Variants in TKFC observed in about 807,000 individuals in gnomAD.
TKFC encodes triokinase/FMN cyclase.
In TKFC, 46 loss-of-function variants were observed where a neutral mutation model predicts 61.0. The observed-to-expected ratio is 0.75, with a 90% CI of 0.60 to 0.96. The LOEUF (loss-of-function observed/expected upper bound fraction) is 0.96, where lower values mean the gene tolerates loss of function less well. Ranked by LOEUF, TKFC falls within the 50% of genes least tolerant of loss-of-function variation. The probability of loss-of-function intolerance (pLI) is 0.00; values close to 1 mark genes in which losing one functional copy is unlikely to be tolerated. For missense variants in TKFC, 715 were observed against 777.5 expected, an observed-to-expected ratio of 0.92 and a Z score of 0.96; for synonymous variants, 314 against 330.1, an observed-to-expected ratio of 0.95 and a Z score of 0.53.
In TKFC at chr11:61,345,762, T is replaced by C; in HGVS notation, c.1485+17T>C. On this transcript the variant is annotated intron_variant, in intron 16 of 17. Coordinates refer to ENST00000394900, the MANE Select transcript of TKFC (RefSeq NM_015533.4). ...AGGACTATGGTATGTACTCAGGCTG[T>C]GGCCTCAGACCTTTCTCCTTTTGGC... The C allele has an allele frequency of 1.9e-6, 3 of 1,614,244 alleles. No individual in the cohort carries two copies. The highest frequency in any genetic ancestry group is 2.5e-6 in the Non-Finnish European group (3 of 1,180,054).
downstream of TKFC, chr11:61,352,845 T>G (rs1406384177): frequency 1.3e-6 from 2 of 1,496,544 alleles, no homozygotes; most frequent in Non-Finnish European, 8.9e-7. Flanking sequence ...AAAGATCAAT[T>G]CTGTTACCTT....
chr11:61,343,234 C>G, intron 10 of TKFC, 108 bp from the exon 11 acceptor site: 1 of 1,006,972 alleles, frequency 9.9e-7, no homozygotes, highest in Non-Finnish European at 1.5e-6. Context: ...ATCAGGACAT[C>G]TCCCTCCCGA....
chr11:61,337,291 T>C (rs546822772), intron 2 of TKFC, among the ~76,000 whole-genome samples: 12 of 152,298 alleles, frequency 7.9e-5, no homozygotes, highest in Admixed American at 2.6e-4. Context: ...ACTCCAGGCA[T>C]GCACCACCAT....
intron 5 of TKFC, among the ~76,000 whole-genome samples, chr11:61,340,829 C>T (rs1856821440): frequency 6.6e-6 from 1 of 152,170 alleles, no homozygotes; most frequent in African/African-American, 2.4e-5. Flanking sequence ...TGTCTCCCCA[C>T]CTGGAAGGCT....
Position 61,339,236 on chromosome 11 carries a change from T to C in TKFC, c.305-18T>C. 6.2e-7 allele frequency: 1 copy of C among 1,612,030 alleles called. No individual in the cohort carries two copies. ...AGGGCACAGTAAGCACACTGAGCCC[T>C]TCCGGCTGCTCCCGCAGTGGGGACG... On this transcript the variant is annotated intron_variant, in intron 4 of 17. Coordinates refer to ENST00000394900, the MANE Select transcript of TKFC (RefSeq NM_015533.4).
chr11:61,353,168 C>T, downstream of TKFC: 1 of 1,576,194 alleles, frequency 6.3e-7, no homozygotes, highest in South Asian at 1.2e-5. Context: ...ACACACCCGA[C>T]TGTGCTATGT....
In TKFC at chr11:61,346,265, T is replaced by C. The variant is rs1326286902; in HGVS notation, c.1576-86T>C. 1.3e-6 allele frequency: 2 copies of C among 1,598,402 alleles called. No homozygotes were observed. The highest frequency in any genetic ancestry group is 3.4e-5 in the Admixed American group (2 of 59,596). On this transcript the variant is annotated intron_variant, in intron 17 of 17. Transcript: ENST00000394900. This position sits in a 1 kb window ranked among gnomAD's most constrained non-coding sequence, Gnocchi z 4.1. ...AGGGCAAGGGCGTGCAGGGCCAGGC[T>C]GCACGGCAGAGACGTTCTGCCCATG...
At position 61,348,873 on chromosome 11, in the gene TKFC, T is replaced by C. The variant is rs4939516; in HGVS notation, c.*2370T>C. On this transcript the variant is annotated 3_prime_UTR_variant, in exon 18 of 18. Transcript: ENST00000394900. ...AGTGAAATGCCTACCCCTATGGAGATGGGGAGCTGGTCATGGGACCCAGGT... is the reference window on the plus strand; with the variant it reads ...AGTGAAATGCCTACCCCTATGGAGACGGGGAGCTGGTCATGGGACCCAGGT... The C allele has an allele frequency of 0.99, 150,330 of 152,496 alleles. 74,140 individuals carry two copies. Among genetic ancestry groups the C allele is most frequent in the Middle Eastern group, 1 (296 of 296 alleles). 9.4% of individuals were successfully genotyped at this position (152,496 alleles called of 1,614,324 possible).
At position 61,337,995 on chromosome 11, in the gene TKFC, G is replaced by A; in HGVS notation, c.58G>A (p.Gly20Ser). 2.5e-6 allele frequency: 4 copies of A among 1,613,174 alleles called. No individual in the cohort carries two copies. The highest frequency in any genetic ancestry group is 3.4e-6 in the Non-Finnish European group (4 of 1,179,660). Reference protein sequence around the residue: ...VAGCADDALAGLVACNPNLQL... With the variant: ...VAGCADDALASLVACNPNLQL... ...TGGCTGTGCTGATGACGCTCTTGCTGGCCTGGTGGCCTGCAACCCCAACCT... is the reference window on the plus strand; with the variant it reads ...TGGCTGTGCTGATGACGCTCTTGCTAGCCTGGTGGCCTGCAACCCCAACCT... Residue 20 changes from glycine (G) to serine (S), a missense_variant, in exon 3 of 18, where the codon GGC becomes AGC. Physicochemically the swap from Gly to Ser is moderately conservative, Grantham distance 56 (BLOSUM62 0). Transcript: ENST00000394900.
At chr11:61,352,980 C>T, downstream of TKFC, 1 of 1,614,178 alleles carries the variant, frequency 6.2e-7, no homozygotes, top group Non-Finnish European at 8.5e-7. Flanking sequence ...CCCCACTGCA[C>T]TCACAAACTG....
intron 2 of TKFC, among the ~76,000 whole-genome samples, chr11:61,337,645 T>A (rs890627881): frequency 6.6e-6 from 1 of 152,178 alleles, no homozygotes; most frequent in East Asian, 1.9e-4. Flanking sequence ...ATTAAAATAT[T>A]TTACACTGCA....
chr11:61,335,013 AAC>A (rs992552650), intron 2 of TKFC, among the ~76,000 whole-genome samples: 45 of 152,274 alleles, frequency 3.0e-4, no homozygotes, highest in African/African-American at 1.1e-3. Context: ...GTAAAACAGT[AAC>A]AGTTACCTGC....
At chr11:61,345,006 G>C (rs1391883103) in intron 13 of TKFC, among the ~76,000 whole-genome samples, 12 of 152,152 alleles carry the variant, frequency 7.9e-5, no homozygotes, top group Non-Finnish European at 1.5e-5. Context: ...GGGCTAAGGA[G>C]AAAAAAACCA....
intron 5 of TKFC, 34 bp from the exon 6 acceptor site, chr11:61,341,401 TC>T: frequency 2.6e-6 from 4 of 1,549,038 alleles, no homozygotes; most frequent in South Asian, 1.2e-5. Flanking sequence ...AGTGATACCC[TC>T]CCCCCTGGGG....
At position 61,345,496 on chromosome 11, in the gene TKFC, C is replaced by A; in HGVS notation, c.1382C>A (p.Pro461His). The A allele has an allele frequency of 6.2e-7, 1 of 1,613,402 alleles. No individual in the cohort carries two copies. The highest frequency in any genetic ancestry group is 1.3e-5 in the African/African-American group (1 of 75,070). Reference sequence around the variant, plus strand: ...CTGTTCCTGACTGCGGCTGCACAGCCCCTGAAGGCCAAGACCAGCCTCCCA... The same window carrying A: ...CTGTTCCTGACTGCGGCTGCACAGCACCTGAAGGCCAAGACCAGCCTCCCA... ...YGLFLTAAAQ[P>H]LKAKTSLPAW... is the part of the protein sequence containing the mutation. Residue 461 changes from proline (P) to histidine (H), a missense_variant, in exon 15 of 18, where the codon CCC becomes CAC. Transcript: ENST00000394900.
chr11:61,350,332 G>A, downstream of TKFC: 1 of 1,576,680 alleles, frequency 6.3e-7, no homozygotes, highest in Non-Finnish European at 8.6e-7. Flanking sequence ...GCCCTGGGAA[G>A]AGCAGAGCTT....
chr11:61,350,497 G>C, downstream of TKFC: 1 of 1,571,682 alleles, frequency 6.4e-7, no homozygotes, highest in Admixed American at 1.9e-5. Flanking sequence ...TGTTCAGACA[G>C]ACCCCCAGCC....
At position 61,347,394 on chromosome 11, in the gene TKFC, T is replaced by C; in HGVS notation, c.*891T>C. The C allele has an allele frequency of 3.5e-6, 3 of 858,128 alleles. No individual in the cohort carries two copies. Among genetic ancestry groups the C allele is most frequent in the Non-Finnish European group, 4.2e-6 (3 of 714,124 alleles). The allele number at this position is 858,128 out of a possible 1,614,324, so 53.2% of individuals were successfully genotyped here. On this transcript the variant is annotated 3_prime_UTR_variant, in exon 18 of 18. Coordinates refer to ENST00000394900, the MANE Select transcript of TKFC (RefSeq NM_015533.4). ...CTGTCTCTACCAAAAAATACAAAATTAGCCAGGCATAGTAGTGTGTGCCTA... is the reference window on the plus strand; with the variant it reads ...CTGTCTCTACCAAAAAATACAAAATCAGCCAGGCATAGTAGTGTGTGCCTA...
At chr11:61,351,203 T>C, downstream of TKFC, 1 of 1,540,206 alleles carries the variant, frequency 6.5e-7, no homozygotes, top group South Asian at 1.2e-5. Context: ...TATTTTTGTC[T>C]AGTGGGAGAC....
Sources: allele counts gnomAD v4.1 joint callset (sites outside exome capture counted in the v4.1 genomes callset), GRCh38; gene constraint gnomAD v4.1.1; non-coding constraint Gnocchi (gnomAD v3.1); transcripts MANE v1.5; gene names NCBI Gene and HGNC (gene_info 2026-07-23, HGNC 2026-07-21).